IYD: variants seen among roughly 807,000 people sequenced by gnomAD.
The protein encoded by IYD is iodotyrosine deiodinase 1.
A neutral mutation model predicts 28.4 loss-of-function variants in IYD; 25 were observed. The observed-to-expected ratio is 0.88, with a 90% confidence interval of 0.64 to 1.23. The LOEUF is 1.23. Ranked by LOEUF, IYD falls within the 50% of genes most tolerant of loss-of-function variation. The pLI is 0.00. For synonymous variants in IYD, 140 were observed against 130.8 expected (o/e 1.07, Z -0.48); for missense variants, 352 against 357.9 (o/e 0.98, Z 0.13).
chr6:150,371,473 G>A (rs142184905), intron 1 of IYD, among the ~76,000 whole-genome samples: 166 of 151,886 alleles, frequency 1.1e-3, no homozygotes, highest in Non-Finnish European at 2.1e-3. Context: ...ATCAAGGAAA[G>A]GCCACTGGAT....
chr6:150,372,732 A>T (rs61201152), intron 1 of IYD, among the ~76,000 whole-genome samples: 23 of 49,098 alleles, frequency 4.7e-4, no homozygotes, highest in African/African-American at 2.2e-3. Context: ...ACATTGTGTG[A>T]CCATGCTTGT....
intron 1 of IYD, chr6:150,370,133 C>T: frequency 1.5e-6 from 1 of 677,480 alleles, no homozygotes; most frequent in Non-Finnish European, 2.7e-6. Flanking sequence ...TGCCCCCATC[C>T]CCAAACAGAG....
At chr6:150,380,267 C>CA (rs1176450750) in intron 1 of IYD, among the ~76,000 whole-genome samples, 3 of 152,102 alleles carry the variant, frequency 2.0e-5, no homozygotes, top group Non-Finnish European at 2.9e-5. Context: ...ATCATACCCA[C>CA]CAGAGATTTT....
chr6:150,390,003 T>C (rs150668672), intron 2 of IYD, among the ~76,000 whole-genome samples: 43 of 152,326 alleles, frequency 2.8e-4, no homozygotes, highest in African/African-American at 9.9e-4. Context: ...TAGCAAAGTT[T>C]ACTTATGTAA....
At chr6:150,369,746 G>C (rs1777150996) in intron 1 of IYD, among the ~76,000 whole-genome samples, 1 of 152,162 alleles carries the variant, frequency 6.6e-6, no homozygotes, top group Non-Finnish European at 1.5e-5. Context: ...TGATTCTAAG[G>C]TGTTTAGAGT....
Position 150,405,742 on chromosome 6 carries a change from G to A in IYD, c.*7505G>A, listed in dbSNP as rs1778623657. On this transcript the variant is annotated 3_prime_UTR_variant, in exon 5 of 5. Transcript: ENST00000344419. ...CCATCAGTTCTCTCCCATGACATGT[G>A]GGGATTATGGGAACTACAATGCAAG... 6.6e-6 allele frequency: 1 copy of A among 152,122 alleles called. No homozygotes were observed. The highest frequency in any genetic ancestry group is 2.4e-5 in the African/African-American group (1 of 41,400). 9.4% of individuals were successfully genotyped at this position (152,122 alleles called of 1,614,324 possible).
chr6:150,379,829 C>T (rs983075876), intron 1 of IYD, among the ~76,000 whole-genome samples: 2 of 152,118 alleles, frequency 1.3e-5, no homozygotes, highest in African/African-American at 4.8e-5. Context: ...CCATTCATTC[C>T]CCCTGAAATT....
rs182942451 is a variant in IYD at position 150,393,210 on chromosome 6, T to C, written c.530+706T>C. ...GGGGTGGGTACACAAGAGTACATTT[T>C]ATAGAGGAGGTAACAGCTCCAGGGG... On this transcript the variant is annotated intron_variant, in intron 3 of 4. Coordinates refer to ENST00000344419, the MANE Select transcript of IYD (RefSeq NM_203395.3). 6.0e-4 allele frequency among the ~76,000 whole-genome samples: 92 copies of C among 152,322 alleles called. No homozygotes were observed. In the Middle Eastern group the frequency reaches 0.014, roughly 23 times the overall value.
intron 1 of IYD, chr6:150,370,332 TGTGC>T (rs1413202945): frequency 8.7e-5 from 16 of 184,698 alleles, no homozygotes; most frequent in Admixed American, 4.7e-4. Context: ...AGTGGGTGAG[TGTGC>T]GTGTGAGTGT....
chr6:150,392,213 T>C, intron 2 of IYD, 132 bp from the exon 3 acceptor site: 31 of 1,422,016 alleles, frequency 2.2e-5, no homozygotes, highest in Admixed American at 1.2e-4. Context: ...AAAAAAAATC[T>C]GCAAAATTTT....
chr6:150,377,696 T>G (rs1006108129), intron 1 of IYD, among the ~76,000 whole-genome samples: 3 of 152,232 alleles, frequency 2.0e-5, no homozygotes, highest in Non-Finnish European at 2.9e-5. Flanking sequence ...TTACAAGTGC[T>G]GAATGGGTCT....
chr6:150,384,130 G>A (rs1356836537), intron 1 of IYD, among the ~76,000 whole-genome samples: 2 of 152,080 alleles, frequency 1.3e-5, no homozygotes, highest in African/African-American at 2.4e-5. Flanking sequence ...TGTTATTTTA[G>A]GAAAGTGAGT....
Position 150,369,197 on chromosome 6 carries a change from C to G in IYD, c.166C>G (p.Gln56Glu). 1 of 1,612,716 alleles carries G rather than the reference C, an allele frequency of 6.2e-7. No individual in the cohort carries two copies. Among genetic ancestry groups the G allele is most frequent in the East Asian group, 2.2e-5 (1 of 44,844 alleles). ...EDLKDSSDLH[Q>E]AEEDADEWQE... ...CTTAAAAGACAGCAGTGACCTGCAC[C>G]AAGCAGAAGAAGGTAAAGACACCAG... The change falls in exon 1 of 5, where the codon CAA becomes GAA. Residue 56 changes from glutamine to glutamate, a missense_variant. Transcript: ENST00000344419.
intron 2 of IYD, among the ~76,000 whole-genome samples, chr6:150,391,719 T>A (rs894754559): frequency 2.1e-4 from 32 of 152,158 alleles, no homozygotes; most frequent in African/African-American, 6.8e-4. Flanking sequence ...TTTGTTTTTA[T>A]TTTTTTGAGA....
chr6:150,396,507 A>G (rs1380177980), intron 4 of IYD: 1 of 697,406 alleles, frequency 1.4e-6, no homozygotes. Flanking sequence ...TTCAGTATGG[A>G]GTAAAAGCTA....
Position 150,394,252 on chromosome 6 carries a change from G to A in IYD, c.684G>A (p.Leu228=), listed in dbSNP as rs1778230438. ...CTTGTGGCATCCTGCTAGCTGCCCT[G>A]CAGGTATGTTGAGACATCAAGGGTT... The part of the protein sequence containing the change: ...SIACGILLAA[L]QNAGLVTVTT... The change falls in exon 4 of 5, where the codon CTG becomes CTA. Residue 228 remains leucine, a synonymous_variant. Coordinates refer to ENST00000344419, the MANE Select transcript of IYD (RefSeq NM_203395.3). 1 of 1,614,124 alleles carries A rather than the reference G, an allele frequency of 6.2e-7. No homozygotes were observed. Among genetic ancestry groups the A allele is most frequent in the African/African-American group, 1.3e-5 (1 of 75,040 alleles).
At chr6:150,397,807 A>T (rs1778378512) in intron 4 of IYD, among the ~76,000 whole-genome samples, 2 of 151,514 alleles carry the variant, frequency 1.3e-5, no homozygotes, top group Admixed American at 6.6e-5. Context: ...ATCAATGAAA[A>T]ATAATAGTAT....
intron 1 of IYD, among the ~76,000 whole-genome samples, chr6:150,375,623 G>A (rs1218293824): frequency 8.3e-6 from 1 of 120,044 alleles, no homozygotes; most frequent in Non-Finnish European, 1.9e-5. Context: ...AAAGCAGCCT[G>A]ATGAATGCTT....
Position 150,389,364 on chromosome 6 carries a change from G to A in IYD, c.191G>A (p.Trp64Ter), listed in dbSNP as rs1327887042. ...TTCTTATTTGCAGATGCTGATGAAT[G>A]GCAAGAATCAGAAGAAAATGTTGAA... ...LHQAEEDADE[W>*]QESEENVEHI... The change falls in exon 2 of 5, where the codon TGG (tryptophan) becomes TAG (stop). Residue 64 changes from tryptophan (W) to a stop codon, truncating the protein, a stop_gained. Coordinates refer to ENST00000344419, the MANE Select transcript of IYD (RefSeq NM_203395.3). LOFTEE classifies it high-confidence loss of function. 4 of 1,613,212 alleles carry A rather than the reference G, an allele frequency of 2.5e-6. No homozygotes were observed. The African/African-American group carries it at 4.0e-5, about 16-fold the overall frequency.
Sources: allele counts gnomAD v4.1 joint callset (sites outside exome capture counted in the v4.1 genomes callset), GRCh38; gene constraint gnomAD v4.1.1; transcripts MANE v1.5; gene names NCBI Gene and HGNC (gene_info 2026-07-23, HGNC 2026-07-21).